The following CPAMD8 variants were observed in gnomAD, a reference collection of about 807,000 sequenced individuals.
CPAMD8 encodes C3 and PZP-like alpha-2-macroglobulin domain-containing protein 8.
A neutral mutation model predicts 224.7 loss-of-function variants in CPAMD8; 146 were observed. The observed-to-expected ratio is 0.65, with a 90% CI of 0.57 to 0.75. The LOEUF (loss-of-function observed/expected upper bound fraction) is 0.75, where lower values mean the gene tolerates loss of function less well. Among genes scored for constraint, CPAMD8 ranks in the 30% least tolerant of loss-of-function variants. The probability of loss-of-function intolerance (pLI) is 0.00; values close to 1 mark genes in which losing one functional copy is unlikely to be tolerated. For synonymous variants in CPAMD8, 966 were observed against 1,044.6 expected (o/e 0.92, Z 1.45); for missense variants, 2,301 against 2,537.5 (o/e 0.91, Z 2.00).
chr19:16,990,745 C>A (rs941558724), intron 12 of CPAMD8, among the ~76,000 whole-genome samples: 1 of 151,294 alleles, frequency 6.6e-6, no homozygotes, highest in Admixed American at 6.6e-5. Context: ...CAACTGTAGT[C>A]CCAGCTACTT....
chr19:16,947,347 C>T (rs2122282161), intron 20 of CPAMD8, 120 bp from the exon 21 acceptor site: 1 of 1,230,964 alleles, frequency 8.1e-7, no homozygotes, highest in Non-Finnish European at 1.1e-6. Context: ...TCCCAAAGAG[C>T]CATGCTCCCC....
intron 19 of CPAMD8, among the ~76,000 whole-genome samples, chr19:16,955,687 C>T (rs896820894): frequency 3.9e-5 from 6 of 152,024 alleles, no homozygotes; most frequent in African/African-American, 1.4e-4. Context: ...GAATCATTTT[C>T]CCTTTTTGAG....
chr19:16,949,229 G>A (rs1396165227), intron 20 of CPAMD8, among the ~76,000 whole-genome samples: 2 of 152,026 alleles, frequency 1.3e-5, no homozygotes, highest in Non-Finnish European at 2.9e-5. Context: ...TGGTCCTTAA[G>A]CACATACACT....
Position 16,896,577 on chromosome 19 carries a change from G to A in CPAMD8, c.5154C>T (p.Ala1718=). 1 of 1,511,922 alleles carries A rather than the reference G, an allele frequency of 6.6e-7. No homozygotes were observed. Among genetic ancestry groups the A allele is most frequent in the Non-Finnish European group, 8.8e-7 (1 of 1,136,716 alleles). 93.7% of individuals were successfully genotyped at this position (1,511,922 alleles called of 1,614,324 possible). A position where few individuals can be genotyped will look rare whatever the true frequency, so the allele number is the denominator to read the frequency against. The change falls in exon 40 of 42, where the codon GCC becomes GCT. Residue 1718 remains alanine, a synonymous_variant. Transcript: ENST00000443236. ...CGGAGCCGCACACCGGGTTCCCCTGGGCGCCGCAGTCGTGGTCGCAGCCGC... is the reference window on the plus strand; with the variant it reads ...CGGAGCCGCACACCGGGTTCCCCTGAGCGCCGCAGTCGTGGTCGCAGCCGC... ...ARCGCDHDCG[A]QGNPVCGSDG...
intron 3 of CPAMD8, among the ~76,000 whole-genome samples, chr19:17,018,488 C>T (rs1286877553): frequency 6.6e-6 from 1 of 152,080 alleles, no homozygotes; most frequent in African/African-American, 2.4e-5. Flanking sequence ...GGTAATTCTT[C>T]AATTTGGCTG....
Position 16,945,560 on chromosome 19 carries a change from C to G in CPAMD8, c.2782G>C (p.Val928Leu), listed in dbSNP as rs767341325. The G allele has an allele frequency of 6.8e-6, 11 of 1,613,960 alleles. No homozygotes were observed. In the East Asian group the frequency reaches 2.5e-4, roughly 36 times the overall value. ...PIGVDHVRRS[V>L]MVEAEGVPRA... The stretch of plus-strand genomic sequence containing the variant: ...GGACACGGCCTTACCTCAACCATCA[C>G]ACTGCGCCTGACGTGATCCACCCCG... Residue 928 changes from valine to leucine, a missense_variant, in exon 22 of 42, where the codon GTG becomes CTG. Physicochemically the swap from Val to Leu is conservative, Grantham distance 32. Transcript: ENST00000443236.
intron 6 of CPAMD8, 66 bp from the exon 7 acceptor site, chr19:17,008,625 T>A: frequency 6.5e-7 from 1 of 1,544,698 alleles, no homozygotes; most frequent in Non-Finnish European, 8.9e-7. Context: ...GTGCCCAATG[T>A]AAGGATTTTC....
chr19:17,024,146 A>G (rs2057023264), intron 1 of CPAMD8, among the ~76,000 whole-genome samples: 1 of 152,180 alleles, frequency 6.6e-6, no homozygotes, highest in African/African-American at 2.4e-5. Context: ...ATCATTACCA[A>G]TTTTGCATCT....
At chr19:16,994,669 T>C (rs1308256403) in intron 11 of CPAMD8, among the ~76,000 whole-genome samples, 2 of 129,318 alleles carry the variant, frequency 1.5e-5, no homozygotes, top group East Asian at 4.3e-4. Context: ...AGGTGTACAA[T>C]ACCATGCCTG....
chr19:16,989,379 C>T (rs1047497156), intron 13 of CPAMD8, among the ~76,000 whole-genome samples: 2 of 151,940 alleles, frequency 1.3e-5, no homozygotes, highest in African/African-American at 4.8e-5. Context: ...CTCTGCCTCC[C>T]GGGTTCAAGC....
chr19:16,967,878 T>G, intron 18 of CPAMD8, among the ~76,000 whole-genome samples: 1 of 100,734 alleles, frequency 9.9e-6, no homozygotes, highest in Non-Finnish European at 2.1e-5. Flanking sequence ...TATATGTGCA[T>G]ATATACACAC....
At chr19:16,928,459 G>A (rs1056233796) in intron 24 of CPAMD8, among the ~76,000 whole-genome samples, 1 of 152,214 alleles carries the variant, frequency 6.6e-6, no homozygotes, top group Non-Finnish European at 1.5e-5. Flanking sequence ...AAGTCATTGG[G>A]CTCCTTGGAA....
chr19:16,918,834 T>C (rs775334525), intron 27 of CPAMD8, among the ~76,000 whole-genome samples: 3 of 151,564 alleles, frequency 2.0e-5, no homozygotes, highest in African/African-American at 7.3e-5. Flanking sequence ...GCTACCTGTA[T>C]ACTTGGGCAT....
At chr19:16,991,185 T>G (rs1004071966) in intron 12 of CPAMD8, among the ~76,000 whole-genome samples, 2 of 152,138 alleles carry the variant, frequency 1.3e-5, no homozygotes, top group Admixed American at 6.6e-5. Context: ...ATATCCTGGT[T>G]CTGTGCAGAG....
intron 20 of CPAMD8, among the ~76,000 whole-genome samples, chr19:16,949,859 A>C (rs945923399): frequency 8.5e-5 from 13 of 152,118 alleles, no homozygotes; most frequent in Non-Finnish European, 1.3e-4. Flanking sequence ...CTGTCCCGGC[A>C]CCCGTAGACA....
chr19:16,973,815 A>G (rs1050982215), intron 17 of CPAMD8, among the ~76,000 whole-genome samples: 3 of 146,818 alleles, frequency 2.0e-5, no homozygotes, highest in African/African-American at 7.5e-5. Context: ...TGGGCACCTG[A>G]TAGCATTAGC....
chr19:16,951,625 C>T (rs999725579), intron 20 of CPAMD8, among the ~76,000 whole-genome samples: 5 of 152,130 alleles, frequency 3.3e-5, no homozygotes, highest in Non-Finnish European at 7.4e-5. Flanking sequence ...AGTCCAGGCA[C>T]GCCCTTGCTA....
At chr19:16,960,211 C>CAAAA (rs113199607) in intron 18 of CPAMD8, among the ~76,000 whole-genome samples, 1 of 135,272 alleles carries the variant, frequency 7.4e-6, no homozygotes. Flanking sequence ...TCTCCTTTCT[C>CAAAA]AAAAAAAAAA....
At chr19:17,008,937 CA>C (rs901310111) in intron 6 of CPAMD8, among the ~76,000 whole-genome samples, 26 of 150,950 alleles carry the variant, frequency 1.7e-4, no homozygotes, top group Admixed American at 4.6e-4. Flanking sequence ...AAAAAAGATA[CA>C]AAAAAAAATT....
Sources: gnomAD v4.1 joint callset for allele counts (sites outside exome capture counted in the v4.1 genomes callset) on GRCh38, gnomAD v4.1.1 for gene constraint, MANE v1.5 for transcripts, NCBI Gene and HGNC (gene_info 2026-07-23, HGNC 2026-07-21) for gene names.